GPC3: variants seen among roughly 807,000 people sequenced by gnomAD.
GPC3 encodes glypican-3.
In GPC3, 3 loss-of-function variants were observed where a neutral mutation model predicts 34.4. The ratio of observed to expected loss-of-function variants is 0.09; its 90% CI spans 0.04 to 0.23. The LOEUF (loss-of-function observed/expected upper bound fraction) is 0.23, where lower values mean the gene tolerates loss of function less well. GPC3 is among the 10% of genes least tolerant of loss of function. GPC3 has a pLI of 1.00. For synonymous variants in GPC3, 177 were observed against 174.0 expected (o/e 1.02, Z -0.13); for missense variants, 351 against 445.6 (o/e 0.79, Z 1.91).
At chrX:133,540,760 T>C (rs1354658912) in intron 7 of GPC3, among the ~76,000 whole-genome samples, 1 of 111,388 alleles carries the variant, frequency 9.0e-6, no homozygotes, top group Non-Finnish European at 1.9e-5. Flanking sequence ...CCATGAAGGA[T>C]GGACAGAATT....
chrX:133,882,329 C>T (rs2076045361), intron 2 of GPC3, among the ~76,000 whole-genome samples: 2 of 111,755 alleles, frequency 1.8e-5, no homozygotes, highest in Non-Finnish European at 3.8e-5. Context: ...TGGACCCTGA[C>T]TAAAATTGTT....
chrX:133,827,944 C>CAAAAAAAAAAAAAA, intron 2 of GPC3, among the ~76,000 whole-genome samples: 1 of 36,025 alleles, frequency 2.8e-5, no homozygotes, highest in Non-Finnish European at 4.6e-5. Context: ...AACTCCATCC[C>CAAAAAAAAAAAAAA]AAAAAAAAAA....
intron 7 of GPC3, among the ~76,000 whole-genome samples, chrX:133,546,441 G>T (rs1312977479): frequency 1.8e-5 from 2 of 109,044 alleles, no homozygotes; most frequent in Middle Eastern, 4.8e-3. Flanking sequence ...GTAAGTGAAA[G>T]AAGCCAGTCA....
chrX:133,762,053 C>A (rs1441134951), intron 2 of GPC3, among the ~76,000 whole-genome samples: 1 of 111,616 alleles, frequency 9.0e-6, no homozygotes, highest in African/African-American at 3.3e-5. Context: ...ACTTTAAATT[C>A]CTCTGGGGAC....
intron 6 of GPC3, among the ~76,000 whole-genome samples, chrX:133,638,921 CAT>C (rs1376335154): frequency 9.0e-6 from 1 of 111,000 alleles, no homozygotes; most frequent in African/African-American, 3.3e-5. Context: ...TCCTGGGACA[CAT>C]GAGTCCCGTG....
intron 2 of GPC3, among the ~76,000 whole-genome samples, chrX:133,783,268 G>A (rs1381819076): frequency 8.9e-6 from 1 of 111,785 alleles, no homozygotes; most frequent in Non-Finnish European, 1.9e-5. Context: ...GAGGTGTCAA[G>A]CAATTCTAGA....
chrX:133,913,722 C>G (rs770712574), intron 2 of GPC3, among the ~76,000 whole-genome samples: 11 of 111,391 alleles, frequency 9.9e-5, no homozygotes, highest in Non-Finnish European at 1.9e-4. Context: ...TCGTAAATCT[C>G]CATGGCTTCA....
rs548166616 is a variant in GPC3 at position 133,982,002 on chromosome X, C to T, written c.175+3273G>A. 1.1e-4 allele frequency among the ~76,000 whole-genome samples: 12 copies of T among 111,515 alleles called. No homozygotes were observed. The South Asian group carries it at 3.8e-3, about 36-fold the overall frequency. Reference sequence around the variant, plus strand: ...ATTTCCATCCATCCCTTACACTACCCCCCTCCCCCGACAAAAGTGGTGTAT... The same window carrying T: ...ATTTCCATCCATCCCTTACACTACCTCCCTCCCCCGACAAAAGTGGTGTAT... On this transcript the variant is annotated intron_variant, in intron 1 of 7. Coordinates refer to ENST00000370818, the MANE Select transcript of GPC3 (RefSeq NM_004484.4).
intron 1 of GPC3, among the ~76,000 whole-genome samples, chrX:133,978,490 C>A (rs1164057172): frequency 9.0e-6 from 1 of 111,445 alleles, no homozygotes; most frequent in East Asian, 2.8e-4. Context: ...AAAATACTTA[C>A]CTCTTATAAG....
chrX:133,637,825 T>C (rs949945558), intron 6 of GPC3, among the ~76,000 whole-genome samples: 1 of 110,174 alleles, frequency 9.1e-6, no homozygotes, highest in African/African-American at 3.3e-5. Context: ...TTATTTTTGG[T>C]AGAGACAGGG....
At chrX:133,781,153 G>T (rs1469418149) in intron 2 of GPC3, among the ~76,000 whole-genome samples, 1 of 111,359 alleles carries the variant, frequency 9.0e-6, no homozygotes, top group Admixed American at 9.6e-5. Flanking sequence ...ATCTACAAAG[G>T]TAGCTCTATA....
intron 5 of GPC3, among the ~76,000 whole-genome samples, chrX:133,673,008 C>T (rs941235737): frequency 1.2e-4 from 13 of 107,981 alleles, no homozygotes; most frequent in Non-Finnish European, 2.5e-4. Context: ...ATGGCGCAAT[C>T]TCGGCTCCCT....
intron 2 of GPC3, among the ~76,000 whole-genome samples, chrX:133,943,806 TG>T (rs1282213245): frequency 9.0e-6 from 1 of 111,678 alleles, no homozygotes; most frequent in African/African-American, 3.3e-5. Context: ...TAGGTCATGC[TG>T]GAAGAAAAGA....
intron 6 of GPC3, among the ~76,000 whole-genome samples, chrX:133,624,980 C>T (rs1448934044): frequency 1.8e-5 from 2 of 112,167 alleles, no homozygotes; most frequent in Non-Finnish European, 3.8e-5. Flanking sequence ...ATCAAGTTGG[C>T]TTCATCCTTG....
At chrX:133,961,495 ACCACTT>A (rs2076441330) in intron 1 of GPC3, among the ~76,000 whole-genome samples, 2 of 112,036 alleles carry the variant, frequency 1.8e-5, no homozygotes, top group Non-Finnish European at 3.8e-5. Flanking sequence ...TTCTTCCTGG[ACCACTT>A]TACCAACCAG....
At chrX:133,627,423 G>T (rs1185689894) in intron 6 of GPC3, among the ~76,000 whole-genome samples, 2 of 111,817 alleles carry the variant, frequency 1.8e-5, no homozygotes, top group East Asian at 5.6e-4. Flanking sequence ...TTTCCTGGGG[G>T]AGTAAAATTC....
chrX:133,800,142 A>G (rs2075601945), intron 2 of GPC3, among the ~76,000 whole-genome samples: 1 of 112,119 alleles, frequency 8.9e-6, no homozygotes, highest in South Asian at 3.7e-4. Context: ...GGGGAAACTG[A>G]CACAGTGCAA....
chrX:133,549,803 T>C (rs761139042), intron 7 of GPC3, among the ~76,000 whole-genome samples: 2 of 88,848 alleles, frequency 2.3e-5, no homozygotes, highest in Admixed American at 2.4e-4. Flanking sequence ...GTCCTTCTTT[T>C]TCTCCTTCCC....
intron 6 of GPC3, among the ~76,000 whole-genome samples, chrX:133,629,426 C>G (rs921437700): frequency 9.0e-6 from 1 of 110,933 alleles, no homozygotes; most frequent in African/African-American, 3.3e-5. Flanking sequence ...GACAAAGTCT[C>G]GCTTTGTTGC....
Sources: allele counts gnomAD v4.1 joint callset (sites outside exome capture counted in the v4.1 genomes callset), GRCh38; gene constraint gnomAD v4.1.1; transcripts MANE v1.5; gene names NCBI Gene and HGNC (gene_info 2026-07-23, HGNC 2026-07-21).